The following ALK variants were observed in gnomAD, a reference collection of about 807,000 sequenced individuals.
ALK encodes ALK receptor tyrosine kinase, also known as ALK tyrosine kinase receptor.
Under a neutral mutation model 163.1 loss-of-function variants are expected in ALK, and 74 were observed. The ratio of observed to expected loss-of-function variants is 0.45; its 90% confidence interval spans 0.38 to 0.55. The LOEUF (loss-of-function observed/expected upper bound fraction) is 0.55. Among genes scored for constraint, ALK ranks in the 20% least tolerant of loss-of-function variants. ALK has a pLI of 0.00. For synonymous variants in ALK, 960 were observed against 843.2 expected, an observed-to-expected ratio of 1.14 and a Z score of -2.40; for missense variants, 2,063 against 2,105.3, an observed-to-expected ratio of 0.98 and a Z score of 0.39.
intron 1 of ALK, among the ~76,000 whole-genome samples, chr2:29,878,760 C>T (rs1032382510): frequency 6.6e-6 from 1 of 152,136 alleles, no homozygotes; most frequent in Non-Finnish European, 1.5e-5. Context: ...TGACAGTAGA[C>T]ACAGCAGAGA....
intron 6 of ALK, 115 bp downstream of exon 6, chr2:29,328,235 A>C (rs1305856954): frequency 1.4e-6 from 2 of 1,469,592 alleles, no homozygotes; most frequent in East Asian, 4.6e-5. Context: ...AGGAGTCACA[A>C]GTGTCAGTGG....
At chr2:29,685,031 C>T (rs1053042896) in intron 3 of ALK, among the ~76,000 whole-genome samples, 2 of 152,174 alleles carry the variant, frequency 1.3e-5, no homozygotes, top group African/African-American at 4.8e-5. Context: ...AGTTCATCTT[C>T]GATTATCATC....
At chr2:29,652,167 T>A (rs1026352918) in intron 3 of ALK, among the ~76,000 whole-genome samples, 7 of 152,182 alleles carry the variant, frequency 4.6e-5, no homozygotes, top group African/African-American at 1.7e-4. Flanking sequence ...TATATTTTTT[T>A]AAAATAGCAC....
intron 3 of ALK, among the ~76,000 whole-genome samples, chr2:29,657,253 G>A (rs1374415903): frequency 6.6e-6 from 1 of 152,174 alleles, no homozygotes; most frequent in Non-Finnish European, 1.5e-5. Context: ...GGGACTGAGA[G>A]GCAGCTGTTG....
chr2:29,197,786 A>G, intron 26 of ALK, 110 bp from the exon 27 acceptor site: 1 of 933,738 alleles, frequency 1.1e-6, no homozygotes, highest in South Asian at 1.3e-5. Flanking sequence ...CCCCCATTAT[A>G]CCCTTTTCCA....
intron 4 of ALK, among the ~76,000 whole-genome samples, chr2:29,483,774 T>C (rs1671719433): frequency 6.6e-6 from 1 of 152,218 alleles, no homozygotes; most frequent in South Asian, 2.1e-4. Flanking sequence ...TGCTTATTGC[T>C]TTCTTCATAG....
intron 4 of ALK, among the ~76,000 whole-genome samples, chr2:29,500,315 G>A (rs1024623086): frequency 6.6e-6 from 1 of 152,104 alleles, no homozygotes; most frequent in Admixed American, 6.6e-5. Flanking sequence ...TTGTTTAAAA[G>A]TGTGTGGCAC....
At chr2:29,808,687 C>G (rs1664678334) in intron 1 of ALK, among the ~76,000 whole-genome samples, 1 of 152,212 alleles carries the variant, frequency 6.6e-6, no homozygotes, top group East Asian at 1.9e-4. Flanking sequence ...GGTGTCAGCA[C>G]AGGGTTTTGG....
rs1300028025 is a variant in ALK, at chr2:29,246,544, C to G, written c.2204+4561G>C. 6.6e-6 allele frequency among the ~76,000 whole-genome samples: 1 copy of G among 152,230 alleles called. No homozygotes were observed. On this transcript the variant is annotated intron_variant, in intron 12 of 28. Coordinates refer to ENST00000389048, the MANE Select transcript of ALK (RefSeq NM_004304.5). The surrounding 1 kb of genome is among the most constrained non-coding windows in gnomAD (Gnocchi z 4.3). ...CCCAGAGGCCTCCTGATCAGGGCCC[C>G]TCTCGCTGCTGCCCTGGCCTTGCCT...
chr2:29,365,269 T>G (rs2148289200), intron 5 of ALK, among the ~76,000 whole-genome samples: 1 of 152,362 alleles, frequency 6.6e-6, no homozygotes, highest in African/African-American at 2.4e-5. Context: ...TAAGGCCAGT[T>G]AGTGCCAAAT....
intron 11 of ALK, among the ~76,000 whole-genome samples, chr2:29,270,776 A>T (rs1257036277): frequency 2.0e-5 from 3 of 152,110 alleles, no homozygotes; most frequent in African/African-American, 7.2e-5. Context: ...ATTTCTGGGG[A>T]AAGCTGTTAA....
chr2:29,447,776 C>A (rs918424057), intron 4 of ALK, among the ~76,000 whole-genome samples: 1 of 152,120 alleles, frequency 6.6e-6, no homozygotes, highest in African/African-American at 2.4e-5. Context: ...CAGAAACCCA[C>A]GCACACATCT....
chr2:29,311,135 C>G (rs55724433), intron 8 of ALK, among the ~76,000 whole-genome samples: 1 of 152,144 alleles, frequency 6.6e-6, no homozygotes, highest in Non-Finnish European at 1.5e-5. Flanking sequence ...GCTGCCAGGG[C>G]TCAGCCCTCC....
intron 1 of ALK, among the ~76,000 whole-genome samples, chr2:29,755,258 T>C (rs1680483792): frequency 6.6e-6 from 1 of 152,194 alleles, no homozygotes; most frequent in Non-Finnish European, 1.5e-5. Flanking sequence ...ACTCATGGAC[T>C]TGGAGTCCCT....
intron 3 of ALK, among the ~76,000 whole-genome samples, chr2:29,560,451 G>A (rs1673988203): frequency 6.6e-6 from 1 of 152,224 alleles, no homozygotes; most frequent in Non-Finnish European, 1.5e-5. Context: ...GACTGCAAAT[G>A]AGCCGAAGGC....
At chr2:29,443,821 T>C (rs913733804) in intron 4 of ALK, among the ~76,000 whole-genome samples, 16 of 152,176 alleles carry the variant, frequency 1.1e-4, no homozygotes, top group African/African-American at 3.6e-4. Context: ...GCCTTATAAA[T>C]ACAGGAAGTC....
chr2:29,749,721 T>G (rs1410575229), intron 1 of ALK, among the ~76,000 whole-genome samples: 2 of 152,292 alleles, frequency 1.3e-5, no homozygotes, highest in East Asian at 1.9e-4. Flanking sequence ...CAGCCATTTA[T>G]TAGCCCACAT....
chr2:29,264,872 C>T (rs927573517), intron 11 of ALK, among the ~76,000 whole-genome samples: 8 of 152,108 alleles, frequency 5.3e-5, no homozygotes, highest in East Asian at 1.9e-4. Context: ...TTGTCTCTTA[C>T]GCATGATTGG....
intron 4 of ALK, among the ~76,000 whole-genome samples, chr2:29,492,931 G>A (rs1671937950): frequency 6.6e-6 from 1 of 152,184 alleles, no homozygotes; most frequent in Admixed American, 6.5e-5. Flanking sequence ...TCATTGAAAA[G>A]CCACTGTGGG....
Sources: gnomAD v4.1 joint callset for allele counts (sites outside exome capture counted in the v4.1 genomes callset) on GRCh38, gnomAD v4.1.1 for gene constraint, Gnocchi (gnomAD v3.1) non-coding constraint, MANE v1.5 for transcripts, NCBI Gene and HGNC (gene_info 2026-07-23, HGNC 2026-07-21) for gene names.